Variants in DMD observed in about 807,000 individuals in gnomAD.
The protein encoded by DMD is mutant dystrophin.
In DMD, 63 loss-of-function variants were observed where a neutral mutation model predicts 330.1. The observed-to-expected ratio is 0.19, with a 90% CI of 0.16 to 0.24. The LOEUF is 0.24. Ranked by LOEUF, DMD falls within the 10% of genes least tolerant of loss-of-function variation. DMD has a pLI of 1.00. For missense variants in DMD, 3,344 were observed against 2,684.1 expected (o/e 1.25, Z -5.43); for synonymous variants, 1,223 against 959.8 (o/e 1.27, Z -5.07).
chrX:31,725,467 A>G (rs2085958171), intron 52 of DMD, among the ~76,000 whole-genome samples: 1 of 111,758 alleles, frequency 8.9e-6, no homozygotes, highest in Admixed American at 9.6e-5. Context: ...AAAGCACCCC[A>G]ATAGATTATA....
intron 2 of DMD, among the ~76,000 whole-genome samples, chrX:32,966,665 A>C (rs902780983): frequency 4.5e-5 from 5 of 111,586 alleles, no homozygotes; most frequent in Admixed American, 1.9e-4. Context: ...AAACAGTGGC[A>C]TTGAAGAGGT....
intron 51 of DMD, among the ~76,000 whole-genome samples, chrX:31,742,746 T>A (rs1239850162): frequency 6.3e-5 from 7 of 111,507 alleles, no homozygotes; most frequent in Non-Finnish European, 1.1e-4. Context: ...AAGAATCCTA[T>A]AAGAAAGCCT....
intron 48 of DMD, among the ~76,000 whole-genome samples, chrX:31,837,146 T>A (rs1039363241): frequency 8.9e-6 from 1 of 112,496 alleles, no homozygotes; most frequent in African/African-American, 3.2e-5. Context: ...TAGTTTTAGC[T>A]ACAATAATCT....
intron 61 of DMD, among the ~76,000 whole-genome samples, chrX:31,338,708 A>G (rs1482717789): frequency 1.8e-5 from 2 of 110,848 alleles, no homozygotes; most frequent in African/African-American, 6.6e-5. Flanking sequence ...GGCTAGGGTG[A>G]GCAACTATCT....
intron 55 of DMD, among the ~76,000 whole-genome samples, chrX:31,610,568 ATTAACT>A (rs2077857141): frequency 8.9e-6 from 1 of 112,086 alleles, no homozygotes; most frequent in Non-Finnish European, 1.9e-5. Context: ...CCTTCTCTTG[ATTAACT>A]TTACTTTTGA....
In DMD at chrX:33,006,727, T is replaced by C. The variant is rs1301361327; in HGVS notation, c.93+13412A>G. On this transcript the variant is annotated intron_variant, in intron 2 of 78. Coordinates refer to ENST00000357033, the MANE Select transcript of DMD (RefSeq NM_004006.3). ...TAGAGATAAATGTATTTATTCTTGT[T>C]CTTGAGGATAAATTTTAGGAGTTGA... 3.6e-5 allele frequency among the ~76,000 whole-genome samples: 4 copies of C among 111,472 alleles called. 1 individual carries two copies. In the East Asian group the frequency reaches 1.1e-3, roughly 32 times the overall value.
At chrX:32,337,995 G>A (rs1215437894) in intron 41 of DMD, among the ~76,000 whole-genome samples, 2 of 111,082 alleles carry the variant, frequency 1.8e-5, no homozygotes, top group Non-Finnish European at 3.8e-5. Context: ...AAAATCTATA[G>A]ACAAGAAATT....
intron 44 of DMD, among the ~76,000 whole-genome samples, chrX:32,144,905 A>G (rs2096771469): frequency 9.0e-6 from 1 of 110,543 alleles, no homozygotes; most frequent in Non-Finnish European, 1.9e-5. Flanking sequence ...GTGGTGGTGC[A>G]CATCTGTAAT....
intron 2 of DMD, among the ~76,000 whole-genome samples, chrX:32,965,021 G>A (rs776245620): frequency 1.8e-5 from 2 of 111,605 alleles, no homozygotes; most frequent in East Asian, 5.7e-4. Flanking sequence ...TCATGTGGAT[G>A]TAATCAACAA....
In DMD at chrX:32,491,404, A is replaced by T; in HGVS notation, c.2495T>A (p.Ile832Asn). The T allele has an allele frequency of 8.3e-7, 1 of 1,211,814 alleles. No individual in the cohort carries two copies. Among genetic ancestry groups the T allele is most frequent in the Non-Finnish European group, 1.1e-6 (1 of 895,544 alleles). ...TTGTAGCTGATTATAGAAAGCGATG[A>T]TGTTGTTCTGATACTCCAGCCAGTT... ...RLNWLEYQNNIIAFYNQLQQL... is the reference protein window; with the variant it reads ...RLNWLEYQNNNIAFYNQLQQL... The change falls in exon 20 of 79, where the codon ATC (isoleucine) becomes AAC (asparagine). Residue 832 changes from isoleucine to asparagine, a missense_variant. Ile to Asn is a moderately radical substitution (Grantham distance 149). Coordinates refer to ENST00000357033, the MANE Select transcript of DMD (RefSeq NM_004006.3).
intron 9 of DMD, among the ~76,000 whole-genome samples, chrX:32,681,666 G>C (rs915567377): frequency 2.7e-5 from 3 of 111,745 alleles, no homozygotes; most frequent in Non-Finnish European, 3.8e-5. Context: ...TAAAAGAAAC[G>C]TGATGCTTTC....
intron 52 of DMD, among the ~76,000 whole-genome samples, chrX:31,724,710 A>G (rs2085876451): frequency 8.9e-6 from 1 of 112,061 alleles, no homozygotes; most frequent in African/African-American, 3.2e-5. Context: ...TCTCACCATA[A>G]CAATATGTAC....
chrX:31,263,453 G>C (rs967226137), intron 62 of DMD, among the ~76,000 whole-genome samples: 1 of 111,791 alleles, frequency 8.9e-6, no homozygotes, highest in South Asian at 3.8e-4. Flanking sequence ...TTATGAAAAG[G>C]GTTTTAGAAA....
rs2036838725 is a variant in DMD at position 31,147,313 on chromosome X, C to G, written c.10759G>C (p.Glu3587Gln). The change falls in exon 75 of 79, where the codon GAG (glutamate) becomes CAG (glutamine). Residue 3587 changes from glutamate (E) to glutamine (Q), a missense_variant. Coordinates refer to ENST00000357033, the MANE Select transcript of DMD (RefSeq NM_004006.3). Reference protein sequence around the residue: ...QILEDHNKQLESQLHRLRQLL... With the variant: ...QILEDHNKQLQSQLHRLRQLL... ...TGCCTTAGCCTGTGTAACTGTGACT[C>G]CAGCTGTTTATTGTGGTCTTCCAGG... 8.3e-7 allele frequency: 1 copy of G among 1,208,084 alleles called. No homozygotes were observed. Among genetic ancestry groups the G allele is most frequent in the Non-Finnish European group, 1.1e-6 (1 of 894,440 alleles).
At chrX:32,020,900 C>T (rs2095801820) in intron 44 of DMD, among the ~76,000 whole-genome samples, 1 of 112,014 alleles carries the variant, frequency 8.9e-6, no homozygotes, top group South Asian at 3.7e-4. Context: ...ACAATACAAA[C>T]CCTTAGCTCA....
intron 52 of DMD, among the ~76,000 whole-genome samples, chrX:31,722,366 C>T (rs936841024): frequency 9.1e-6 from 1 of 110,442 alleles, no homozygotes; most frequent in Admixed American, 9.7e-5. Flanking sequence ...GGTGATCCAT[C>T]GCTTCAGCCT....
chrX:33,335,412 A>T (rs1344628122), intron 1 of DMD, among the ~76,000 whole-genome samples: 1 of 110,665 alleles, frequency 9.0e-6, no homozygotes, highest in Admixed American at 9.7e-5. Context: ...ATGACTGATA[A>T]TAATGATGAC....
At position 33,007,558 on chromosome X, in the gene DMD, C is replaced by T. The variant is rs139684520; in HGVS notation, c.93+12581G>A. On this transcript the variant is annotated intron_variant, in intron 2 of 78. Coordinates refer to ENST00000357033, the MANE Select transcript of DMD (RefSeq NM_004006.3). ...TCTCTGAAATTCTATATTCTACTTGCAGAGAGAAAAAACAAACAAGTTGAC... is the reference window on the plus strand; with the variant it reads ...TCTCTGAAATTCTATATTCTACTTGTAGAGAGAAAAAACAAACAAGTTGAC... Among the ~76,000 whole-genome samples the T allele has an allele frequency of 3.1e-3, 345 of 111,369 alleles. 2 individuals carry two copies. The highest frequency in any genetic ancestry group is 0.01 in the African/African-American group (321 of 30,777).
rs759053949 is a variant in DMD at position 31,134,116 on chromosome X, AAGG to A, written c.10997_10999del (p.Ser3666del). 3 of 1,208,638 alleles carry A rather than the reference AAGG, an allele frequency of 2.5e-6. No homozygotes were observed. The East Asian group carries it at 8.9e-5, about 36-fold the overall frequency. ...TTGGAGCTTACCTCTTGAACTAGGG[AAGG>A]AGTTGTTGAGTTGCTCCATCACCTC... On this transcript the variant is annotated inframe_deletion, in exon 77 of 79. Coordinates refer to ENST00000357033, the MANE Select transcript of DMD (RefSeq NM_004006.3).
Sources: gnomAD v4.1 joint callset for allele counts (sites outside exome capture counted in the v4.1 genomes callset) on GRCh38, gnomAD v4.1.1 for gene constraint, MANE v1.5 for transcripts, NCBI Gene and HGNC (gene_info 2026-07-23, HGNC 2026-07-21) for gene names.